Variants in IFT88 observed in about 807,000 individuals in gnomAD.
IFT88 encodes intraflagellar transport protein 88 homolog.
In IFT88, 74 loss-of-function variants were observed where a neutral mutation model predicts 119.5. The ratio of observed to expected loss-of-function variants is 0.62; its 90% CI spans 0.51 to 0.75. IFT88 has a LOEUF of 0.75. Among genes scored for constraint, IFT88 ranks in the 30% least tolerant of loss-of-function variants. The pLI, the probability that IFT88 is intolerant of heterozygous loss-of-function variation, is 0.00. For missense variants in IFT88, 961 were observed against 977.7 expected, an observed-to-expected ratio of 0.98 and a Z score of 0.23; for synonymous variants, 279 against 316.7, an observed-to-expected ratio of 0.88 and a Z score of 1.26.
intron 1 of IFT88, among the ~76,000 whole-genome samples, chr13:20,573,379 G>T (rs1249359747): frequency 6.6e-6 from 1 of 152,108 alleles, no homozygotes; most frequent in Non-Finnish European, 1.5e-5. Context: ...TGGAGCGCCT[G>T]TCCAAGGTTA....
chr13:20,569,338 C>G lies in IFT88; in HGVS notation c.-7+2082C>G, dbSNP rs2035720473. On this transcript the variant is annotated intron_variant, in intron 1 of 25. Transcript: ENST00000351808. Reference sequence around the variant, plus strand: ...CCTGTAATCCCAGCACTTTGGGAGGCCGAGCCGGGCGGATCACGAGGTCAG... The same window carrying G: ...CCTGTAATCCCAGCACTTTGGGAGGGCGAGCCGGGCGGATCACGAGGTCAG... 2.0e-5 allele frequency among the ~76,000 whole-genome samples: 3 copies of G among 152,038 alleles called. No individual in the cohort carries two copies. In the South Asian group the frequency reaches 6.3e-4, roughly 32 times the overall value.
chr13:20,623,316 A>G (rs2139884122), intron 14 of IFT88, among the ~76,000 whole-genome samples: 1 of 152,266 alleles, frequency 6.6e-6, no homozygotes, highest in South Asian at 2.1e-4. Context: ...ATTGCGTATG[A>G]ATTTCAGGAT....
chr13:20,638,597 G>A, intron 17 of IFT88, 79 bp downstream of exon 17: 2 of 987,228 alleles, frequency 2.0e-6, no homozygotes, highest in South Asian at 3.6e-5. Flanking sequence ...TGCTTAAAGA[G>A]CTCTAACACA....
chr13:20,639,496 G>A (rs995687594), intron 17 of IFT88, among the ~76,000 whole-genome samples: 4 of 152,150 alleles, frequency 2.6e-5, no homozygotes, highest in African/African-American at 9.7e-5. Context: ...GAAGAATAGG[G>A]GAGGCAAGAA....
chr13:20,667,799 T>G (rs2055002525), intron 23 of IFT88, among the ~76,000 whole-genome samples: 1 of 152,074 alleles, frequency 6.6e-6, no homozygotes, highest in African/African-American at 2.4e-5. Context: ...TGTATAAGCT[T>G]CTGGCCCCAC....
intron 24 of IFT88, among the ~76,000 whole-genome samples, chr13:20,672,600 G>A (rs1460637753): frequency 1.3e-5 from 2 of 152,178 alleles, no homozygotes; most frequent in Non-Finnish European, 2.9e-5. Flanking sequence ...GCAGCCATAA[G>A]CCCACAGCTC....
chr13:20,658,922 A>G lies in IFT88; in HGVS notation c.2068+2492A>G, dbSNP rs118171882. On this transcript the variant is annotated intron_variant, in intron 22 of 25. Transcript: ENST00000351808. ...ATGAGTCACTCTAAGAATCAAATGA[A>G]TGATTGTCTATGCCATAGAGGGTGT... Among the ~76,000 whole-genome samples, 157 of 152,304 alleles carry G rather than the reference A, an allele frequency of 1.0e-3. 1 individual carries two copies. In the East Asian group the frequency reaches 0.027, roughly 26 times the overall value.
chr13:20,600,388 C>A lies in IFT88; in HGVS notation c.812+823C>A, dbSNP rs149688520. 3.9e-3 allele frequency among the ~76,000 whole-genome samples: 591 copies of A among 151,842 alleles called. 5 individuals are homozygous for A. The highest frequency in any genetic ancestry group is 0.013 in the African/African-American group (533 of 41,446). ...AATCATTATTGAGAACAAGAATGAT[C>A]AAGAAAGGCTTTATGAAGGAGGCAT... On this transcript the variant is annotated intron_variant, in intron 11 of 25. Coordinates refer to ENST00000351808, the MANE Select transcript of IFT88 (RefSeq NM_006531.5).
At chr13:20,606,377 C>T (rs1037194981) in intron 13 of IFT88, among the ~76,000 whole-genome samples, 1 of 152,154 alleles carries the variant, frequency 6.6e-6, no homozygotes, top group African/African-American at 2.4e-5. Context: ...GAAGCAAGAA[C>T]TCCCACCCTG....
At chr13:20,671,233 A>C (rs1400807725) in intron 24 of IFT88, among the ~76,000 whole-genome samples, 194 bp downstream of exon 24, 1 of 148,510 alleles carries the variant, frequency 6.7e-6, no homozygotes, top group East Asian at 1.9e-4. Context: ...ATGCTAACAG[A>C]TTTTCTTAAA....
chr13:20,650,838 T>C (rs2051531602), intron 20 of IFT88, among the ~76,000 whole-genome samples: 1 of 152,090 alleles, frequency 6.6e-6, no homozygotes, highest in South Asian at 2.1e-4. Flanking sequence ...AAAAAGGAAA[T>C]TGAGAAAAAA....
In IFT88 at chr13:20,663,614, A is replaced by G. The variant is rs376404653; in HGVS notation, c.2175+10A>G. 1.2e-4 allele frequency: 187 copies of G among 1,575,316 alleles called. 1 individual carries two copies. Among genetic ancestry groups the G allele is most frequent in the Middle Eastern group, 1.2e-3 (7 of 6,012 alleles). ...AGAAATAAGGGAACAGGTATCTCAT[A>G]TGGGCCCCAAACTGCAGTCTGTTAA... is the stretch of plus-strand genomic sequence containing the variant. On this transcript the variant is annotated intron_variant, in intron 23 of 25. Transcript: ENST00000351808.
chr13:20,617,651 C>T (rs1269327508), intron 14 of IFT88, among the ~76,000 whole-genome samples: 1 of 152,160 alleles, frequency 6.6e-6, no homozygotes, highest in East Asian at 1.9e-4. Context: ...CTCTTTTGCT[C>T]AACTTAGTAA....
intron 24 of IFT88, among the ~76,000 whole-genome samples, chr13:20,680,189 T>C (rs973347905): frequency 4.6e-5 from 7 of 152,200 alleles, no homozygotes; most frequent in African/African-American, 1.7e-4. Flanking sequence ...AGAAAGCATA[T>C]GTAATTGTGT....
intron 13 of IFT88, among the ~76,000 whole-genome samples, chr13:20,609,766 AAAAAAC>A (rs912034428): frequency 2.2e-5 from 2 of 92,342 alleles, no homozygotes; most frequent in African/African-American, 6.0e-5. Flanking sequence ...ACAAACAGAA[AAAAAAC>A]AAAAAACAAA....
chr13:20,666,297 C>A (rs2054665509), intron 23 of IFT88, among the ~76,000 whole-genome samples: 1 of 152,188 alleles, frequency 6.6e-6, no homozygotes, highest in African/African-American at 2.4e-5. Flanking sequence ...CTGTCACTGA[C>A]ATTACTAGAA....
intron 24 of IFT88, among the ~76,000 whole-genome samples, chr13:20,689,195 G>A (rs2058245970): frequency 6.6e-6 from 1 of 152,300 alleles, no homozygotes; most frequent in East Asian, 1.9e-4. Context: ...GCCTCCCAAA[G>A]TGCTGGGATT....
chr13:20,628,326 A>G (rs1232957709), intron 15 of IFT88, among the ~76,000 whole-genome samples: 1 of 152,224 alleles, frequency 6.6e-6, no homozygotes, highest in Non-Finnish European at 1.5e-5. Context: ...AGTGGATGAA[A>G]TGAAGCCATT....
At chr13:20,635,002 A>G (rs1342039070) in intron 16 of IFT88, among the ~76,000 whole-genome samples, 5 of 122,384 alleles carry the variant, frequency 4.1e-5, no homozygotes, top group Admixed American at 1.1e-4. Flanking sequence ...TCCTGTGTCC[A>G]TGTGTTCTCA....
Sources: allele counts gnomAD v4.1 joint callset (sites outside exome capture counted in the v4.1 genomes callset), GRCh38; gene constraint gnomAD v4.1.1; transcripts MANE v1.5; gene names NCBI Gene and HGNC (gene_info 2026-07-23, HGNC 2026-07-21).